Variants in TMEM185A observed in about 807,000 individuals in gnomAD.
TMEM185A encodes the protein family with sequence similarity 11, member A.
TMEM185A carries 9 observed loss-of-function variants against 25.0 expected under a neutral mutation model. The ratio of observed to expected loss-of-function variants is 0.36; its 90% CI spans 0.22 to 0.63. The LOEUF (loss-of-function observed/expected upper bound fraction) is 0.63, where lower values mean the gene tolerates loss of function less well. TMEM185A is among the 20% of genes least tolerant of loss of function. The probability of loss-of-function intolerance (pLI) is 0.68; values close to 1 mark genes in which losing one functional copy is unlikely to be tolerated. For missense variants in TMEM185A, 103 were observed against 237.4 expected, an observed-to-expected ratio of 0.43 and a Z score of 3.72; for synonymous variants, 45 against 93.5, an observed-to-expected ratio of 0.48 and a Z score of 2.99.
chrX:149,605,785 TCAG>T (rs1557353353), intron 3 of TMEM185A, among the ~76,000 whole-genome samples: 1 of 111,894 alleles, frequency 8.9e-6, no homozygotes, highest in African/African-American at 3.3e-5. Context: ...GCCTACCACT[TCAG>T]CAACCCCTTA....
chrX:149,624,368 G>A (rs1178368082), intron 1 of TMEM185A, among the ~76,000 whole-genome samples: 1 of 112,314 alleles, frequency 8.9e-6, no homozygotes, highest in African/African-American at 3.2e-5. Flanking sequence ...AAGGAAGAAG[G>A]GAGGGAGAGA....
At chrX:149,608,251 G>C (rs2090062372) in intron 3 of TMEM185A, among the ~76,000 whole-genome samples, 1 of 111,496 alleles carries the variant, frequency 9.0e-6, no homozygotes, top group Non-Finnish European at 1.9e-5. Flanking sequence ...TGTAGAGTTG[G>C]TAATGATCAA....
At chrX:149,611,197 T>C in intron 2 of TMEM185A, 90 bp downstream of exon 2, 4 of 879,760 alleles carry the variant, frequency 4.5e-6, no homozygotes, top group Non-Finnish European at 6.3e-6. Flanking sequence ...AGGTAGAAAA[T>C]AAAATGGTCC....
chrX:149,603,921 A>G (rs946731828), intron 4 of TMEM185A, 66 bp downstream of exon 4: 12 of 954,717 alleles, frequency 1.3e-5, no homozygotes, highest in South Asian at 6.7e-5. Context: ...CAAGCTTTGT[A>G]CAGTGAATAT....
At chrX:149,623,806 G>A (rs781838193) in intron 1 of TMEM185A, among the ~76,000 whole-genome samples, 5 of 111,907 alleles carry the variant, frequency 4.5e-5, no homozygotes, top group African/African-American at 1.6e-4. Context: ...GTAAAACAAA[G>A]TAATACAATC....
intron 1 of TMEM185A, among the ~76,000 whole-genome samples, chrX:149,630,201 T>C (rs1040966675): frequency 1.8e-5 from 2 of 111,665 alleles, no homozygotes; most frequent in Non-Finnish European, 1.9e-5. Context: ...ACACTGGCAC[T>C]CCTAACCAGA....
intron 1 of TMEM185A, among the ~76,000 whole-genome samples, chrX:149,621,132 C>T (rs1398788137): frequency 1.8e-5 from 2 of 110,902 alleles, no homozygotes; most frequent in African/African-American, 3.3e-5. Flanking sequence ...AAGATAATGA[C>T]GACACAGGAT....
chrX:149,604,141 A>C, intron 3 of TMEM185A, 71 bp from the exon 4 acceptor site: 1 of 678,855 alleles, frequency 1.5e-6, no homozygotes, highest in Non-Finnish European at 2.3e-6. Context: ...TTTGGTTAAC[A>C]CACTAAAAGA....
intron 1 of TMEM185A, among the ~76,000 whole-genome samples, chrX:149,616,384 G>A (rs1383771015): frequency 1.8e-5 from 2 of 112,011 alleles, no homozygotes; most frequent in African/African-American, 6.5e-5. Flanking sequence ...AAACCAAGAT[G>A]TCAGCAGGAC....
At chrX:149,609,633 A>G (rs1557354209) in intron 2 of TMEM185A, among the ~76,000 whole-genome samples, 2 of 112,551 alleles carry the variant, frequency 1.8e-5, no homozygotes, top group African/African-American at 6.5e-5. Flanking sequence ...AACATTTATG[A>G]TATACATGTA....
chrX:149,622,102 C>T (rs190323169), intron 1 of TMEM185A, among the ~76,000 whole-genome samples: 1 of 112,020 alleles, frequency 8.9e-6, no homozygotes, highest in Non-Finnish European at 1.9e-5. Flanking sequence ...ACGCTTGGAA[C>T]CAAAGTCAAA....
intron 1 of TMEM185A, among the ~76,000 whole-genome samples, chrX:149,617,906 A>T (rs1557355197): frequency 8.9e-6 from 1 of 112,219 alleles, no homozygotes; most frequent in African/African-American, 3.2e-5. Context: ...ACTATAAGTA[A>T]AATAATTCAG....
chrX:149,629,269 A>G (rs964448038), intron 1 of TMEM185A, among the ~76,000 whole-genome samples: 1 of 111,504 alleles, frequency 9.0e-6, no homozygotes, highest in Non-Finnish European at 1.9e-5. Context: ...CTGGGGTAGG[A>G]GGGAGATGTT....
intron 1 of TMEM185A, among the ~76,000 whole-genome samples, chrX:149,613,352 A>T (rs1199193310): frequency 8.9e-6 from 1 of 112,141 alleles, no homozygotes; most frequent in Non-Finnish European, 1.9e-5. Context: ...AGACTTGAGA[A>T]GGATTCAGCC....
intron 3 of TMEM185A, among the ~76,000 whole-genome samples, chrX:149,605,547 C>CTATA (rs1348401942): frequency 1.9e-5 from 2 of 104,476 alleles, no homozygotes; most frequent in African/African-American, 7.7e-5. Flanking sequence ...ATGTCACTTT[C>CTATA]TATAGCCTCC....
intron 4 of TMEM185A, chrX:149,601,542 C>T (rs1238776373): frequency 2.0e-5 from 2 of 97,882 alleles, no homozygotes; most frequent in Non-Finnish European, 3.9e-5. Context: ...ACTGGCTTCC[C>T]GCCATCCACA....
intron 3 of TMEM185A, among the ~76,000 whole-genome samples, chrX:149,607,051 C>T (rs2090055942): frequency 9.0e-6 from 1 of 111,493 alleles, no homozygotes; most frequent in Admixed American, 9.5e-5. Flanking sequence ...CATGCTGTGG[C>T]CTTTCCACCA....
chrX:149,620,498 T>A (rs1189364743), intron 1 of TMEM185A, among the ~76,000 whole-genome samples: 1 of 109,613 alleles, frequency 9.1e-6, no homozygotes, highest in East Asian at 2.8e-4. Flanking sequence ...AAGCTGGCAT[T>A]TTTTTTTTAA....
chrX:149,628,040 A>AGTACC (rs1339438129), intron 1 of TMEM185A, among the ~76,000 whole-genome samples: 3 of 112,082 alleles, frequency 2.7e-5, no homozygotes, highest in African/African-American at 9.7e-5. Flanking sequence ...TGATCTCATC[A>AGTACC]GTACCCCATG....
Sources: allele counts gnomAD v4.1 joint callset (sites outside exome capture counted in the v4.1 genomes callset), GRCh38; gene constraint gnomAD v4.1.1; transcripts MANE v1.5; gene names NCBI Gene and HGNC (gene_info 2026-07-23, HGNC 2026-07-21).